USP40: variants seen among roughly 807,000 people sequenced by gnomAD.
The protein encoded by USP40 is ubiquitin specific peptidase 40.
In USP40, 143 loss-of-function variants were observed where a neutral mutation model predicts 166.2. The observed-to-expected ratio is 0.86, with a 90% CI of 0.75 to 0.99. The LOEUF (loss-of-function observed/expected upper bound fraction) is 0.99, where lower values mean the gene tolerates loss of function less well. Ranked by LOEUF, USP40 falls within the 50% of genes least tolerant of loss-of-function variation. The pLI is 0.00. For synonymous variants in USP40, 498 were observed against 524.0 expected, an observed-to-expected ratio of 0.95 and a Z score of 0.68; for missense variants, 1,444 against 1,479.7, an observed-to-expected ratio of 0.98 and a Z score of 0.40.
chr2:233,481,280 G>T lies in USP40; in HGVS notation c.3522C>A (p.Asp1174Glu), dbSNP rs367819232. 1.2e-6 allele frequency: 2 copies of T among 1,603,106 alleles called. No individual in the cohort carries two copies. Among genetic ancestry groups the T allele is most frequent in the Non-Finnish European group, 1.7e-6 (2 of 1,174,450 alleles). Residue 1174 changes from aspartate (D) to glutamate (E), a missense_variant, in exon 31 of 32, where the codon GAC becomes GAA. Physicochemically the swap from Asp to Glu is conservative, Grantham distance 45 (BLOSUM62 2). Transcript: ENST00000678225. ...TIGVKNLLID[D>E]DDDFSTIRDD... ...CTCTGATTGTACTGAAATCATCATC[G>T]TCGTCAATCAGGAGATTCTACATTT...
chr2:233,558,001 CAAAAA>C (rs71058563), intron 4 of USP40, among the ~76,000 whole-genome samples: 4 of 51,360 alleles, frequency 7.8e-5, no homozygotes, highest in East Asian at 1.1e-3. Flanking sequence ...GACCTCATCT[CAAAAA>C]AAAAAAAAAA....
chr2:233,549,218 A>G lies in USP40; in HGVS notation c.849T>C (p.Asp283=). The G allele has an allele frequency of 1.4e-6, 2 of 1,441,858 alleles. No individual in the cohort carries two copies. Among genetic ancestry groups the G allele is most frequent in the Non-Finnish European group, 1.9e-6 (2 of 1,055,740 alleles). 89.3% of individuals were successfully genotyped at this position (1,441,858 alleles called of 1,614,324 possible). A position where few individuals can be genotyped will look rare whatever the true frequency, so the allele number is the denominator to read the frequency against. Residue 283 remains aspartate (D), a synonymous_variant, in exon 8 of 32, where the codon GAT becomes GAC. Transcript: ENST00000678225. ...LKPFCEQSEL[D]DLEYIYDLFS... ...AGAGGTCATATATATATTCTAAGTCATCCAATTCACTCTAAAAGAAAAAAG... is the reference window on the plus strand; with the variant it reads ...AGAGGTCATATATATATTCTAAGTCGTCCAATTCACTCTAAAAGAAAAAAG...
rs773533814 is a variant in USP40 at position 233,559,817 on chromosome 2, A to C, written c.375T>G (p.Ser125Arg). Reference protein sequence around the residue: ...ADLTDSFGWTSNEEMRQHDVQ... With the variant: ...ADLTDSFGWTRNEEMRQHDVQ... ...AAAGAGCTGATCCTCGTACCTCATT[A>C]CTGGTCCACCCAAAGCTGTCAGTGA... is the stretch of plus-strand genomic sequence containing the variant. Residue 125 changes from serine (S) to arginine (R), a missense_variant, in exon 4 of 32, where the codon AGT (serine) becomes AGG (arginine). Coordinates refer to ENST00000678225, the MANE Select transcript of USP40 (RefSeq NM_001365479.2). The C allele has an allele frequency of 6.2e-7, 1 of 1,605,390 alleles. No individual in the cohort carries two copies. The highest frequency in any genetic ancestry group is 2.2e-5 in the East Asian group (1 of 44,754).
intron 1 of USP40, among the ~76,000 whole-genome samples, 177 bp from the exon 2 acceptor site, chr2:233,565,750 A>T (rs2072085584): frequency 6.6e-6 from 1 of 152,024 alleles, no homozygotes. Flanking sequence ...CCCTATCAGG[A>T]CCCTAACTAC....
At chr2:233,504,537 G>C (rs936926368) in intron 21 of USP40, among the ~76,000 whole-genome samples, 6 of 151,710 alleles carry the variant, frequency 4.0e-5, no homozygotes, top group African/African-American at 1.5e-4. Flanking sequence ...ACTGTAAAAG[G>C]TCATTATAAT....
chr2:233,525,415 A>T, intron 14 of USP40, 63 bp downstream of exon 14: 2 of 1,245,882 alleles, frequency 1.6e-6, no homozygotes, highest in Non-Finnish European at 1.2e-6. Context: ...AGAAAATCGC[A>T]GGTGAGCCGG....
chr2:233,557,240 A>G (rs906348511), intron 4 of USP40, among the ~76,000 whole-genome samples: 5 of 152,250 alleles, frequency 3.3e-5, no homozygotes, highest in African/African-American at 1.2e-4. Context: ...CAGTGTGTAC[A>G]TGTAACTCAA....
chr2:233,534,941 A>G (rs1476572093), intron 10 of USP40, among the ~76,000 whole-genome samples: 1 of 152,192 alleles, frequency 6.6e-6, no homozygotes, highest in African/African-American at 2.4e-5. Flanking sequence ...TAGGCAAAAA[A>G]GGAAAACAAC....
intron 11 of USP40, among the ~76,000 whole-genome samples, chr2:233,532,147 A>C (rs2068582832): frequency 6.6e-6 from 1 of 152,144 alleles, no homozygotes; most frequent in African/African-American, 2.4e-5. Context: ...GGCAACAAAT[A>C]AGACTGAGCA....
intron 10 of USP40, among the ~76,000 whole-genome samples, chr2:233,537,583 T>G (rs1258843760): frequency 6.6e-6 from 1 of 152,062 alleles, no homozygotes. Context: ...AAAGAAACAT[T>G]ACATTCAAGA....
At chr2:233,524,451 T>C in intron 15 of USP40, 41 bp downstream of exon 15, 1 of 1,570,296 alleles carries the variant, frequency 6.4e-7, no homozygotes, top group Non-Finnish European at 8.7e-7. Context: ...TTTTAAAACA[T>C]CCAAAATTAT....
rs1490213158 is a variant in USP40, at chr2:233,507,315, T to C, written c.2613+2734A>G. On this transcript the variant is annotated intron_variant, in intron 21 of 31. Transcript: ENST00000678225. ...ACTATCATGTGATTCACCAATCCCA[T>C]TACTGGGTATGTGTCCAAAGGGTAT... Among the ~76,000 whole-genome samples, 3 of 152,198 alleles carry C rather than the reference T, an allele frequency of 2.0e-5. No homozygotes were observed. In the East Asian group the frequency reaches 5.8e-4, roughly 29 times the overall value.
At chr2:233,549,977 AT>A (rs1357950427) in intron 7 of USP40, among the ~76,000 whole-genome samples, 2 of 152,114 alleles carry the variant, frequency 1.3e-5, no homozygotes, top group Admixed American at 1.3e-4. Flanking sequence ...TACTTTAAAG[AT>A]GTTTATTTAA....
intron 17 of USP40, 148 bp downstream of exon 17, chr2:233,520,843 G>T: frequency 1.2e-6 from 1 of 825,328 alleles, no homozygotes; most frequent in Non-Finnish European, 1.8e-6. Context: ...AGGTAAACAA[G>T]CAATAATCAA....
At chr2:233,488,141 T>C in intron 28 of USP40, 98 bp downstream of exon 28, 1 of 991,678 alleles carries the variant, frequency 1.0e-6, no homozygotes, top group Non-Finnish European at 1.6e-6. Flanking sequence ...TTAGAAGCAG[T>C]GAAAAAAATG....
chr2:233,523,064 A>G, intron 16 of USP40, 106 bp downstream of exon 16: 1 of 1,209,388 alleles, frequency 8.3e-7, no homozygotes, highest in Non-Finnish European at 1.2e-6. Context: ...CTAGAAATAA[A>G]GAAACATTCA....
intron 31 of USP40, among the ~76,000 whole-genome samples, chr2:233,478,458 AT>A (rs947319571): frequency 6.6e-6 from 1 of 152,098 alleles, no homozygotes; most frequent in Admixed American, 6.5e-5. Flanking sequence ...CTGGCAAGCG[AT>A]TTGCAGTTCC....
intron 31 of USP40, 144 bp downstream of exon 31, chr2:233,481,059 G>A (rs1166148291): frequency 2.7e-5 from 19 of 708,558 alleles, no homozygotes; most frequent in Non-Finnish European, 3.7e-5. Flanking sequence ...CGCAGGGGGC[G>A]GAGAAGGACC....
At position 233,491,156 on chromosome 2, in the gene USP40, A is replaced by T; in HGVS notation, c.3012+11T>A. ...ATTACCACTAAGTTATGGTGCAGGA[A>T]GAAGTCTGACCTGAGACTTCAGCTC... On this transcript the variant is annotated intron_variant, in intron 26 of 31. Coordinates refer to ENST00000678225, the MANE Select transcript of USP40 (RefSeq NM_001365479.2). 6.3e-7 allele frequency: 1 copy of T among 1,580,914 alleles called. No individual in the cohort carries two copies. The highest frequency in any genetic ancestry group is 2.2e-5 in the East Asian group (1 of 44,464).
Sources: gnomAD v4.1 joint callset for allele counts (sites outside exome capture counted in the v4.1 genomes callset) on GRCh38, gnomAD v4.1.1 for gene constraint, MANE v1.5 for transcripts, NCBI Gene and HGNC (gene_info 2026-07-23, HGNC 2026-07-21) for gene names.